Variants in RBFOX3 observed in about 807,000 individuals in gnomAD.
RBFOX3 encodes RNA binding protein fox-1 homolog 3.
Under a neutral mutation model 48.7 loss-of-function variants are expected in RBFOX3, and 17 were observed. The ratio of observed to expected loss-of-function variants is 0.35; its 90% CI spans 0.24 to 0.52. The LOEUF is 0.52. Ranked by LOEUF, RBFOX3 falls within the 20% of genes least tolerant of loss-of-function variation. The pLI, the probability that RBFOX3 is intolerant of heterozygous loss-of-function variation, is 0.94. For missense variants in RBFOX3, 382 were observed against 497.5 expected (o/e 0.77, Z 2.21); for synonymous variants, 212 against 209.5 (o/e 1.01, Z -0.10).
At chr17:79,664,100 G>A in the RBFOX3 span, among the ~76,000 whole-genome samples, 3 of 152,108 alleles carry the variant, frequency 2.0e-5, no homozygotes, top group Non-Finnish European at 4.4e-5. Context: ...GAGAAGGGAT[G>A]GGAAAGACAC....
intron 2 of RBFOX3, among the ~76,000 whole-genome samples, chr17:79,346,005 G>C (rs10852718): frequency 0.86 from 131,502 of 152,064 alleles, 56,961 homozygotes; most frequent in Non-Finnish European, 0.89. Flanking sequence ...ACTGCAATCT[G>C]CACCTCCCGG....
At chr17:79,407,363 A>G (rs944393624) in intron 2 of RBFOX3, among the ~76,000 whole-genome samples, 1 of 152,376 alleles carries the variant, frequency 6.6e-6, no homozygotes, top group Admixed American at 6.5e-5. Flanking sequence ...GAACAAATAA[A>G]TCACTCAACT....
intron 3 of RBFOX3, among the ~76,000 whole-genome samples, chr17:79,282,935 G>A (rs921348873): frequency 6.6e-6 from 1 of 152,232 alleles, no homozygotes; most frequent in African/African-American, 2.4e-5. Flanking sequence ...GTTCAGGTTT[G>A]AGCCACCCAG....
At chr17:79,394,949 G>A (rs1253571528) in intron 2 of RBFOX3, among the ~76,000 whole-genome samples, 3 of 152,210 alleles carry the variant, frequency 2.0e-5, no homozygotes, top group African/African-American at 4.8e-5. Flanking sequence ...GCGGCAAGAC[G>A]TCAGGAGGTG....
At chr17:79,266,171 C>G (rs73414201) in intron 3 of RBFOX3, among the ~76,000 whole-genome samples, 1 of 152,188 alleles carries the variant, frequency 6.6e-6, no homozygotes, top group Non-Finnish European at 1.5e-5. Flanking sequence ...GCCTGTTCTC[C>G]CATGGCAGAA....
At position 79,392,024 on chromosome 17, in the gene RBFOX3, C is replaced by A. The variant is rs1376078323; in HGVS notation, c.-174-84200G>T. Among the ~76,000 whole-genome samples, 1 of 152,164 alleles carries A rather than the reference C, an allele frequency of 6.6e-6. No individual in the cohort carries two copies. Among genetic ancestry groups the A allele is most frequent in the African/African-American group, 2.4e-5 (1 of 41,436 alleles). ...GCCCCGCGATGGTCAGGCTTTCTGC[C>A]GTCTTGGAAACAGACACCGACAAGC... On this transcript the variant is annotated intron_variant, in intron 2 of 14. Transcript: ENST00000693108. The surrounding 1 kb of genome is among the most constrained non-coding windows in gnomAD (Gnocchi z 5.0).
Position 79,119,653 on chromosome 17 carries a change from T to C in RBFOX3, c.-33-3905A>G, listed in dbSNP as rs545416180. 1.5e-3 allele frequency among the ~76,000 whole-genome samples: 229 copies of C among 152,276 alleles called. 1 individual carries two copies. The highest frequency in any genetic ancestry group is 5.3e-3 in the African/African-American group (222 of 41,540). Reference sequence around the variant, plus strand: ...TGTCCTCTCTGCACAGGTTTCTCCATCCGCAAATGGTCACAATAGAGCCTG... The same window carrying C: ...TGTCCTCTCTGCACAGGTTTCTCCACCCGCAAATGGTCACAATAGAGCCTG... On this transcript the variant is annotated intron_variant, in intron 4 of 14. Transcript: ENST00000693108.
chr17:79,631,728 G>T, the RBFOX3 span, among the ~76,000 whole-genome samples: 1 of 152,176 alleles, frequency 6.6e-6, no homozygotes, highest in Non-Finnish European at 1.5e-5. Context: ...CTTCCCTAGA[G>T]CGGGGGCCAG....
chr17:79,093,537 C>T (rs1229479340), intron 14 of RBFOX3, among the ~76,000 whole-genome samples: 6 of 127,912 alleles, frequency 4.7e-5, no homozygotes, highest in Non-Finnish European at 9.7e-5. Flanking sequence ...GTCTGAGGCT[C>T]GTTAAAAATT....
chr17:79,250,408 T>C (rs1396346295), intron 3 of RBFOX3, among the ~76,000 whole-genome samples: 1 of 152,234 alleles, frequency 6.6e-6, no homozygotes, highest in Non-Finnish European at 1.5e-5. Flanking sequence ...TGTGTTTACA[T>C]GGACATTCCC....
At chr17:79,125,584 G>A (rs2036996533) in intron 4 of RBFOX3, among the ~76,000 whole-genome samples, 1 of 151,700 alleles carries the variant, frequency 6.6e-6, no homozygotes. Flanking sequence ...AGACAGGCTG[G>A]CCAATGGTCT....
chr17:79,189,533 G>A (rs929616268), intron 4 of RBFOX3, among the ~76,000 whole-genome samples: 1 of 152,196 alleles, frequency 6.6e-6, no homozygotes, highest in Non-Finnish European at 1.5e-5. Flanking sequence ...CCACCGCTCC[G>A]TCTGTGCAGC....
At position 79,381,888 on chromosome 17, in the gene RBFOX3, C is replaced by T. The variant is rs552961001; in HGVS notation, c.-174-74064G>A. ...AGACAGAAGGGAACCAGCCTCTCAG[C>T]GGGGCCCAGGGGTGCACTGAGGAAA... On this transcript the variant is annotated intron_variant, in intron 2 of 14. Transcript: ENST00000693108. 5.9e-5 allele frequency among the ~76,000 whole-genome samples: 9 copies of T among 152,284 alleles called. No individual in the cohort carries two copies. In the South Asian group the frequency reaches 8.3e-4, roughly 14 times the overall value.
chr17:79,226,373 G>T (rs1269310039), intron 4 of RBFOX3, among the ~76,000 whole-genome samples: 1 of 152,188 alleles, frequency 6.6e-6, no homozygotes, highest in East Asian at 1.9e-4. Context: ...GATAGGAAGT[G>T]GGCCAGGTGT....
chr17:79,208,191 G>A (rs768457979), intron 4 of RBFOX3, among the ~76,000 whole-genome samples: 1 of 152,318 alleles, frequency 6.6e-6, no homozygotes, highest in Non-Finnish European at 1.5e-5. Context: ...TGGCAGTGCG[G>A]GTCTCCAGCT....
Position 79,212,100 on chromosome 17 carries a change from G to A in RBFOX3, c.-34+23666C>T, listed in dbSNP as rs1030260794. On this transcript the variant is annotated intron_variant, in intron 4 of 14. Transcript: ENST00000693108. This position sits in a 1 kb window ranked among gnomAD's most constrained non-coding sequence, Gnocchi z 4.7. Reference sequence around the variant, plus strand: ...CGCTGCATTGGGGAAATTGACCAGCGCCCAAAGACGGGCCCACCTGGGCAT... The same window carrying A: ...CGCTGCATTGGGGAAATTGACCAGCACCCAAAGACGGGCCCACCTGGGCAT... 3.3e-5 allele frequency among the ~76,000 whole-genome samples: 5 copies of A among 152,214 alleles called. No homozygotes were observed. The highest frequency in any genetic ancestry group is 1.3e-4 in the Admixed American group (2 of 15,282).
chr17:79,403,637 T>C (rs996874230), intron 2 of RBFOX3, among the ~76,000 whole-genome samples: 1 of 152,186 alleles, frequency 6.6e-6, no homozygotes, highest in Non-Finnish European at 1.5e-5. Flanking sequence ...CTGGTGGCTT[T>C]CCTGGCTTGG....
At chr17:79,588,473 T>A (rs2145010612) in intron 1 of RBFOX3, among the ~76,000 whole-genome samples, 1 of 152,140 alleles carries the variant, frequency 6.6e-6, no homozygotes, top group South Asian at 2.1e-4. Flanking sequence ...GGAAAATAAA[T>A]AGTAGTTGAC....
chr17:79,325,976 G>A (rs779445795), intron 2 of RBFOX3, among the ~76,000 whole-genome samples: 5 of 152,212 alleles, frequency 3.3e-5, no homozygotes, highest in Admixed American at 1.3e-4. Context: ...ATTTATGAGC[G>A]GAAGAGACAG....
Sources: gnomAD v4.1 joint callset for allele counts (sites outside exome capture counted in the v4.1 genomes callset) on GRCh38, gnomAD v4.1.1 for gene constraint, Gnocchi (gnomAD v3.1) non-coding constraint, MANE v1.5 for transcripts, NCBI Gene and HGNC (gene_info 2026-07-23, HGNC 2026-07-21) for gene names.